The following GPHN variants were observed in gnomAD, a reference collection of about 807,000 sequenced individuals.
GPHN encodes the protein gephyrin.
In GPHN, 17 loss-of-function variants were observed where a neutral mutation model predicts 95.5. The observed-to-expected ratio is 0.18, with a 90% CI of 0.12 to 0.27. GPHN has a LOEUF of 0.27. Among genes scored for constraint, GPHN ranks in the 10% least tolerant of loss-of-function variants. The probability of loss-of-function intolerance (pLI) is 1.00; values close to 1 mark genes in which losing one functional copy is unlikely to be tolerated. For synonymous variants in GPHN, 320 were observed against 322.5 expected (o/e 0.99, Z 0.08); for missense variants, 660 against 978.1 (o/e 0.67, Z 4.34).
intron 2 of GPHN, among the ~76,000 whole-genome samples, chr14:66,769,402 G>T (rs922005769): frequency 2.0e-5 from 3 of 151,942 alleles, no homozygotes; most frequent in Non-Finnish European, 4.4e-5. Context: ...GGGGTTTGTT[G>T]TACAGATTAT....
the GPHN span, chr14:67,345,758 T>G: frequency 1.9e-6 from 3 of 1,592,492 alleles, no homozygotes; most frequent in Non-Finnish European, 2.6e-6. Flanking sequence ...CCAGGTCTTT[T>G]GCTACTTACC....
chr14:66,736,834 TATCTC>T (rs1487676116), intron 2 of GPHN, among the ~76,000 whole-genome samples: 3 of 152,222 alleles, frequency 2.0e-5, no homozygotes, highest in African/African-American at 7.2e-5. Flanking sequence ...TGTTTTGAAT[TATCTC>T]AACCATTCTC....
At chr14:67,412,710 G>A in the GPHN span, among the ~76,000 whole-genome samples, 1 of 152,142 alleles carries the variant, frequency 6.6e-6, no homozygotes, top group Non-Finnish European at 1.5e-5. Context: ...GGGGCACCAA[G>A]GAGTCCAGTA....
the GPHN span, among the ~76,000 whole-genome samples, chr14:67,618,539 AT>A: frequency 0.014 from 1,990 of 145,420 alleles, 38 homozygotes; most frequent in African/African-American, 0.041. Flanking sequence ...ACATCCAGCT[AT>A]TTTTTTTTTT....
At chr14:66,709,224 A>G in intron 2 of GPHN, 1 of 348,316 alleles carries the variant, frequency 2.9e-6, no homozygotes. Context: ...GCCTTTTCTA[A>G]ACAACCATTC....
the GPHN span, among the ~76,000 whole-genome samples, chr14:67,724,040 G>C: frequency 6.6e-6 from 1 of 152,252 alleles, no homozygotes; most frequent in African/African-American, 2.4e-5. Context: ...CCCCCACAGA[G>C]TGCTGTTCAT....
intron 5 of GPHN, among the ~76,000 whole-genome samples, chr14:66,885,472 G>A (rs2064140833): frequency 6.6e-6 from 1 of 152,092 alleles, no homozygotes. Context: ...ACAGCTTGTA[G>A]AAGACAGAAT....
the GPHN span, among the ~76,000 whole-genome samples, chr14:67,421,053 G>T: frequency 1.3e-5 from 2 of 152,186 alleles, no homozygotes; most frequent in Non-Finnish European, 2.9e-5. Context: ...AAGTTACTCA[G>T]TTCCTCTAAA....
At chr14:67,727,070 A>G in the GPHN span, 1 of 1,614,062 alleles carries the variant, frequency 6.2e-7, no homozygotes, top group Non-Finnish European at 8.5e-7. Context: ...GGCTCACCAC[A>G]TTGGCAAGAT....
intron 12 of GPHN, among the ~76,000 whole-genome samples, chr14:67,091,915 G>A (rs918847456): frequency 2.0e-5 from 3 of 151,690 alleles, no homozygotes; most frequent in Admixed American, 6.6e-5. Context: ...TATCTACCGT[G>A]AAGCTGATTC....
the GPHN span, among the ~76,000 whole-genome samples, chr14:67,246,902 G>A: frequency 2.0e-3 from 311 of 152,096 alleles, no homozygotes; most frequent in African/African-American, 7.0e-3. Flanking sequence ...TGCCTGCCCC[G>A]GCTTCCCAAA....
rs1270307062 is a variant in GPHN, at chr14:66,852,504, G to A, written c.295-27435G>A. On this transcript the variant is annotated intron_variant, in intron 4 of 22. Coordinates refer to ENST00000478722, the MANE Select transcript of GPHN (RefSeq NM_020806.5). ...TGCATATGGATGAATAAGAAGAAAA[G>A]TGTCTTAAGCAGAATGAACTTAGTT... 2.6e-5 allele frequency among the ~76,000 whole-genome samples: 4 copies of A among 152,330 alleles called. No individual in the cohort carries two copies. In the East Asian group the frequency reaches 7.7e-4, roughly 29 times the overall value.
At chr14:67,238,177 A>G in the GPHN span, among the ~76,000 whole-genome samples, 1 of 151,968 alleles carries the variant, frequency 6.6e-6, no homozygotes, top group South Asian at 2.1e-4. Flanking sequence ...CATATATACC[A>G]GTAATTTGTA....
intron 1 of GPHN, among the ~76,000 whole-genome samples, chr14:66,514,110 C>T (rs2058148020): frequency 6.6e-6 from 1 of 151,906 alleles, no homozygotes; most frequent in South Asian, 2.1e-4. Flanking sequence ...ATCTAAGCCA[C>T]AGGAACAAAC....
At chr14:66,996,205 A>G (rs1378721543) in intron 9 of GPHN, 16 of 1,528,558 alleles carry the variant, frequency 1.0e-5, no homozygotes, top group African/African-American at 1.4e-5. Flanking sequence ...TCATCTACCT[A>G]TAGTGTATCT....
intron 9 of GPHN, among the ~76,000 whole-genome samples, chr14:66,970,180 A>G (rs903016291): frequency 5.3e-5 from 8 of 151,988 alleles, no homozygotes; most frequent in African/African-American, 1.4e-4. Flanking sequence ...CAACAATTAA[A>G]ATGTAGATGT....
chr14:67,371,800 A>G, the GPHN span, among the ~76,000 whole-genome samples: 6 of 152,258 alleles, frequency 3.9e-5, no homozygotes, highest in African/African-American at 9.6e-5. Context: ...CATAACCCTG[A>G]TAAGAAAACC....
the GPHN span, chr14:67,208,554 C>G: frequency 8.3e-7 from 1 of 1,203,250 alleles, no homozygotes; most frequent in Non-Finnish European, 1.1e-6. Flanking sequence ...TGAAGATTCT[C>G]AGAGACAGAT....
chr14:67,339,287 G>A, the GPHN span, among the ~76,000 whole-genome samples: 10 of 152,016 alleles, frequency 6.6e-5, no homozygotes, highest in Non-Finnish European at 1.3e-4. Context: ...ATGAGCCACC[G>A]AGCCCAGCCT....
Sources: gnomAD v4.1 joint callset for allele counts (sites outside exome capture counted in the v4.1 genomes callset) on GRCh38, gnomAD v4.1.1 for gene constraint, MANE v1.5 for transcripts, NCBI Gene and HGNC (gene_info 2026-07-23, HGNC 2026-07-21) for gene names.